The following GTF2I variants were observed in gnomAD, a reference collection of about 807,000 sequenced individuals.
The protein encoded by GTF2I is general transcription factor II-I.
GTF2I carries 12 observed loss-of-function variants against 67.6 expected under a neutral mutation model. The ratio of observed to expected loss-of-function variants is 0.18; its 90% CI spans 0.11 to 0.29. The LOEUF is 0.29. GTF2I is among the 10% of genes least tolerant of loss of function. GTF2I has a pLI of 1.00. For missense variants in GTF2I, 271 were observed against 580.1 expected, an observed-to-expected ratio of 0.47 and a Z score of 5.47; for synonymous variants, 149 against 197.0, an observed-to-expected ratio of 0.76 and a Z score of 2.04.
At chr7:74,659,175 G>A (rs1318161385) in intron 1 of GTF2I, among the ~76,000 whole-genome samples, 2 of 151,934 alleles carry the variant, frequency 1.3e-5, no homozygotes, top group Non-Finnish European at 1.5e-5. Flanking sequence ...CTCCCACCTT[G>A]GCCCCCCATA....
intron 14 of GTF2I, among the ~76,000 whole-genome samples, chr7:74,731,639 G>A (rs1472619297): frequency 6.6e-5 from 10 of 151,308 alleles, no homozygotes; most frequent in Admixed American, 1.3e-4. Context: ...CTGCCTCCCA[G>A]GTTCAAGCAA....
chr7:74,707,935 T>C (rs1554401847), intron 8 of GTF2I, among the ~76,000 whole-genome samples: 1 of 152,094 alleles, frequency 6.6e-6, no homozygotes, highest in Non-Finnish European at 1.5e-5. Context: ...GCAAATAAGA[T>C]GTACATTTAT....
At chr7:74,677,332 G>C (rs782361847) in intron 1 of GTF2I, among the ~76,000 whole-genome samples, 4 of 152,048 alleles carry the variant, frequency 2.6e-5, no homozygotes, top group Non-Finnish European at 5.9e-5. Context: ...TTGTTTTGAA[G>C]AAATTACTTT....
At chr7:74,662,660 T>G (rs1804627616) in intron 1 of GTF2I, among the ~76,000 whole-genome samples, 2 of 151,292 alleles carry the variant, frequency 1.3e-5, no homozygotes, top group African/African-American at 4.9e-5. Flanking sequence ...GTAGCTGGGA[T>G]TACAAGCACG....
chr7:74,669,597 A>C (rs1191295697), intron 1 of GTF2I, among the ~76,000 whole-genome samples: 1 of 151,064 alleles, frequency 6.6e-6, no homozygotes, highest in African/African-American at 2.4e-5. Context: ...GTGCAGTGGC[A>C]CGATCTCGGC....
chr7:74,709,793 C>T (rs1791286160), intron 8 of GTF2I, among the ~76,000 whole-genome samples: 1 of 151,898 alleles, frequency 6.6e-6, no homozygotes, highest in Admixed American at 6.6e-5. Context: ...GTGCCTCAGC[C>T]TCTCGGGTAG....
chr7:74,716,916 C>T lies in GTF2I; in HGVS notation c.846C>T (p.Gly282=), dbSNP rs374424412. The stretch of plus-strand genomic sequence containing the variant: ...TAGGAAGCCACCATTCTTCAGAGGG[C>T]AATGAAGGCACAGAAATGGAAGTAC... The part of the protein sequence containing the change: ...PLQGSHHSSE[G]NEGTEMEVPA... Residue 282 remains glycine (G), a synonymous_variant, in exon 11 of 35, where the codon GGC becomes GGT. Coordinates refer to ENST00000573035, the MANE Select transcript of GTF2I (RefSeq NM_032999.4). 6.8e-6 allele frequency: 11 copies of T among 1,606,586 alleles called. No individual in the cohort carries two copies. In the African/African-American group the frequency reaches 1.5e-4, roughly 22 times the overall value.
At chr7:74,667,623 C>T (rs1554389066) in intron 1 of GTF2I, among the ~76,000 whole-genome samples, 2 of 151,756 alleles carry the variant, frequency 1.3e-5, no homozygotes, top group Non-Finnish European at 2.9e-5. Context: ...TCAAGACATC[C>T]TCCCACCTCA....
intron 1 of GTF2I, among the ~76,000 whole-genome samples, chr7:74,677,494 A>C (rs1805999891): frequency 6.6e-6 from 1 of 152,046 alleles, no homozygotes. Context: ...ACTTGGCTTT[A>C]GTGGCTGTTA....
chr7:74,658,364 C>T (rs1488519462), intron 1 of GTF2I, among the ~76,000 whole-genome samples: 1 of 146,594 alleles, frequency 6.8e-6, no homozygotes, highest in African/African-American at 2.5e-5. Context: ...GGCACGCGCG[C>T]GCCTCAGTGC....
chr7:74,691,208 C>CTTTCT, intron 3 of GTF2I, 97 bp downstream of exon 3: 3 of 659,592 alleles, frequency 4.5e-6, no homozygotes, highest in Non-Finnish European at 7.0e-6. Flanking sequence ...TTCTTTCTTT[C>CTTTCT]TTTTTTTTTT....
chr7:74,706,457 C>T, intron 8 of GTF2I, 24 bp downstream of exon 8: 1 of 1,553,384 alleles, frequency 6.4e-7, no homozygotes, highest in Non-Finnish European at 8.9e-7. Context: ...CTTTTAGAAT[C>T]AATGGTGAAA....
chr7:74,708,609 C>T (rs782245276), intron 8 of GTF2I, among the ~76,000 whole-genome samples: 1 of 152,148 alleles, frequency 6.6e-6, no homozygotes, highest in Admixed American at 6.5e-5. Context: ...GATGAGAATG[C>T]AGACAAGAAG....
chr7:74,697,194 G>A (rs1304495550), intron 3 of GTF2I, among the ~76,000 whole-genome samples: 5 of 151,892 alleles, frequency 3.3e-5, no homozygotes, highest in South Asian at 2.1e-4. Flanking sequence ...TCAGGAGATC[G>A]AGACCATGTG....
intron 14 of GTF2I, among the ~76,000 whole-genome samples, chr7:74,731,839 C>T (rs1794513958): frequency 6.6e-6 from 1 of 151,204 alleles, no homozygotes; most frequent in East Asian, 1.9e-4. Flanking sequence ...GCCGCTGCGC[C>T]CGGCCTCATG....
intron 3 of GTF2I, among the ~76,000 whole-genome samples, chr7:74,696,204 A>T (rs1788880291): frequency 1.3e-5 from 2 of 151,224 alleles, no homozygotes; most frequent in Non-Finnish European, 2.9e-5. Context: ...CTGGTCTCGA[A>T]CTCCTTACCT....
At chr7:74,719,163 C>G (rs1186744012) in intron 12 of GTF2I, among the ~76,000 whole-genome samples, 2 of 152,122 alleles carry the variant, frequency 1.3e-5, no homozygotes, top group African/African-American at 4.8e-5. Flanking sequence ...GTGGCCCAAG[C>G]TATCCTTGCT....
chr7:74,670,159 C>A (rs1554390101), intron 1 of GTF2I, among the ~76,000 whole-genome samples: 2 of 152,130 alleles, frequency 1.3e-5, no homozygotes, highest in African/African-American at 4.8e-5. Flanking sequence ...AATGCTTGCT[C>A]ATTCACTGAA....
intron 1 of GTF2I, among the ~76,000 whole-genome samples, chr7:74,669,053 A>T (rs1445487259): frequency 6.6e-6 from 1 of 151,966 alleles, no homozygotes; most frequent in African/African-American, 2.4e-5. Flanking sequence ...GGGATCTTTT[A>T]TCATGTCGGG....
Sources: allele counts gnomAD v4.1 joint callset (sites outside exome capture counted in the v4.1 genomes callset), GRCh38; gene constraint gnomAD v4.1.1; transcripts MANE v1.5; gene names NCBI Gene and HGNC (gene_info 2026-07-23, HGNC 2026-07-21).